PCDHGA2: variants seen among roughly 807,000 people sequenced by gnomAD.
The protein encoded by PCDHGA2 is protocadherin gamma subfamily A, 2, also known as protocadherin gamma-A2.
Under a neutral mutation model 59.2 loss-of-function variants are expected in PCDHGA2, and 40 were observed. The observed-to-expected ratio is 0.68, with a 90% CI of 0.52 to 0.88. The LOEUF (loss-of-function observed/expected upper bound fraction) is 0.88, where lower values mean the gene tolerates loss of function less well. Ranked by LOEUF, PCDHGA2 falls within the 40% of genes least tolerant of loss-of-function variation. The pLI is 0.00. For synonymous variants in PCDHGA2, 560 were observed against 526.0 expected, an observed-to-expected ratio of 1.06 and a Z score of -0.89; for missense variants, 1,226 against 1,204.0, an observed-to-expected ratio of 1.02 and a Z score of -0.27.
chr5:141,396,025 T>G (rs1486088514), intron 1 of PCDHGA2: 4 of 152,248 alleles, frequency 2.6e-5, no homozygotes, highest in African/African-American at 2.4e-5. Context: ...TTGTAAAATA[T>G]GTAAGAACAT....
At chr5:141,420,164 A>G (rs2096471602) in intron 1 of PCDHGA2, 1 of 1,614,040 alleles carries the variant, frequency 6.2e-7, no homozygotes, top group Non-Finnish European at 8.5e-7. Context: ...TAATTTTTTC[A>G]CATCTGTTGA....
intron 1 of PCDHGA2, chr5:141,404,943 T>C: frequency 1.2e-6 from 2 of 1,613,914 alleles, no homozygotes; most frequent in Non-Finnish European, 8.5e-7. Context: ...ACAGTAGCCA[T>C]AGCTGACAGC....
chr5:141,375,835 C>A (rs772317330), intron 1 of PCDHGA2: 22 of 1,613,984 alleles, frequency 1.4e-5, no homozygotes, highest in Admixed American at 1.7e-5. Flanking sequence ...CCGCAGAGCC[C>A]GGCTACCTGG....
chr5:141,411,868 A>G (rs2095520425), intron 1 of PCDHGA2: 1 of 152,224 alleles, frequency 6.6e-6, no homozygotes, highest in South Asian at 2.1e-4. Flanking sequence ...TCAAAAAAAA[A>G]AGACATTTCT....
At chr5:141,390,634 T>C (rs1003300188) in intron 1 of PCDHGA2, 36 of 236,246 alleles carry the variant, frequency 1.5e-4, no homozygotes, top group African/African-American at 7.4e-4. Context: ...ATATGATGAA[T>C]ACTTTTTTCA....
chr5:141,421,118 T>C (rs572827470), intron 1 of PCDHGA2: 2 of 771,948 alleles, frequency 2.6e-6, no homozygotes, highest in Non-Finnish European at 2.0e-6. Context: ...GTATTTTCCT[T>C]CGCTTTCTGA....
intron 1 of PCDHGA2, chr5:141,366,144 C>T (rs925056179): frequency 1.9e-6 from 3 of 1,614,182 alleles, no homozygotes; most frequent in Non-Finnish European, 2.5e-6. Flanking sequence ...GCCTGGCTGT[C>T]CTACCGCCTG....
intron 1 of PCDHGA2, chr5:141,393,540 C>G (rs760241344): frequency 6.2e-7 from 1 of 1,613,996 alleles, no homozygotes; most frequent in Admixed American, 1.7e-5. Context: ...CCCGGTTTTT[C>G]CTCACCCGAT....
At chr5:141,372,341 A>T in intron 1 of PCDHGA2, 1 of 1,613,800 alleles carries the variant, frequency 6.2e-7, no homozygotes, top group Non-Finnish European at 8.5e-7. Context: ...TGCGTGATGG[A>T]GGACAGCAGC....
intron 1 of PCDHGA2, chr5:141,383,450 G>T: frequency 6.2e-7 from 1 of 1,613,960 alleles, no homozygotes; most frequent in South Asian, 1.1e-5. Flanking sequence ...GCTGTGCAAA[G>T]TGGAGACGAT....
chr5:141,346,053 G>A (rs757402197), intron 1 of PCDHGA2: 1 of 1,613,572 alleles, frequency 6.2e-7, no homozygotes, highest in East Asian at 2.2e-5. Flanking sequence ...CATCCTGGCC[G>A]ACCTGGGCAG....
chr5:141,478,139 G>C, intron 1 of PCDHGA2: 15 of 1,614,040 alleles, frequency 9.3e-6, no homozygotes, highest in Non-Finnish European at 1.3e-5. Context: ...TGAAGCCCGA[G>C]CCGAGTTCCC....
chr5:141,400,020 G>A (rs1589396224), intron 1 of PCDHGA2: 1 of 1,612,942 alleles, frequency 6.2e-7, no homozygotes, highest in South Asian at 1.1e-5. Context: ...TGGGCGACAG[G>A]GACGCGGCCC....
chr5:141,415,134 C>T (rs760482028), intron 1 of PCDHGA2: 10 of 1,613,552 alleles, frequency 6.2e-6, no homozygotes, highest in South Asian at 3.3e-5. Context: ...TCCAGGACCA[C>T]GGCCAGCCCC....
intron 2 of PCDHGA2, among the ~76,000 whole-genome samples, chr5:141,504,909 G>C (rs948719729): frequency 6.6e-6 from 1 of 152,002 alleles, no homozygotes; most frequent in Non-Finnish European, 1.5e-5. Context: ...ACTATGACAG[G>C]AAGCCAGGCT....
chr5:141,408,851 G>T, intron 1 of PCDHGA2: 4 of 1,613,574 alleles, frequency 2.5e-6, no homozygotes, highest in African/African-American at 1.3e-5. Context: ...TGCCTTGGAC[G>T]GAGGGGACCC....
At chr5:141,370,462 C>G in intron 1 of PCDHGA2, 12 of 1,612,864 alleles carry the variant, frequency 7.4e-6, no homozygotes, top group Non-Finnish European at 8.5e-6. Context: ...TTCCTGCTCT[C>G]TTTGTTAGAC....
At chr5:141,409,813 C>T in intron 1 of PCDHGA2, 2 of 1,611,170 alleles carry the variant, frequency 1.2e-6, no homozygotes, top group African/African-American at 1.3e-5. Flanking sequence ...CCCGCGACCA[C>T]GGCTCGCCCA....
At chr5:141,356,532 C>T (rs1367713554) in intron 1 of PCDHGA2, 2 of 1,613,786 alleles carry the variant, frequency 1.2e-6, no homozygotes, top group South Asian at 2.2e-5. Flanking sequence ...AAGTGATGGA[C>T]ATCAATGACA....
Sources: allele counts gnomAD v4.1 joint callset (sites outside exome capture counted in the v4.1 genomes callset), GRCh38; gene constraint gnomAD v4.1.1; transcripts MANE v1.5; gene names NCBI Gene and HGNC (gene_info 2026-07-23, HGNC 2026-07-21).